Variants in DPP6 observed in about 807,000 individuals in gnomAD.
The protein encoded by DPP6 is A-type potassium channel modulatory protein DPP6.
In DPP6, 69 loss-of-function variants were observed where a neutral mutation model predicts 122.6. That is an observed-to-expected ratio of 0.56 (90% CI 0.46 to 0.69). The LOEUF is 0.69. Among genes scored for constraint, DPP6 ranks in the 30% least tolerant of loss-of-function variants. The pLI, the probability that DPP6 is intolerant of heterozygous loss-of-function variation, is 0.00. For synonymous variants in DPP6, 418 were observed against 433.1 expected (o/e 0.97, Z 0.43); for missense variants, 928 against 1,116.9 (o/e 0.83, Z 2.41).
intron 1 of DPP6, among the ~76,000 whole-genome samples, chr7:154,222,284 CCA>C (rs1427606575): frequency 6.6e-6 from 1 of 152,194 alleles, no homozygotes; most frequent in Admixed American, 6.5e-5. Flanking sequence ...AACTCCACAG[CCA>C]CACACAGCCT....
intron 2 of DPP6, among the ~76,000 whole-genome samples, chr7:154,463,159 C>T (rs1821441381): frequency 6.8e-6 from 1 of 147,406 alleles, no homozygotes; most frequent in African/African-American, 2.5e-5. Context: ...ACCTAAGTTG[C>T]AACACAAAGT....
chr7:154,042,322 G>A (rs1799807704), intron 1 of DPP6, among the ~76,000 whole-genome samples: 1 of 152,196 alleles, frequency 6.6e-6, no homozygotes, highest in Non-Finnish European at 1.5e-5. Context: ...TATGGGTGCA[G>A]CACGGGGGCA....
chr7:153,918,927 C>T (rs1334427727), intron 1 of DPP6, among the ~76,000 whole-genome samples: 14 of 135,254 alleles, frequency 1.0e-4, no homozygotes, highest in East Asian at 6.6e-4. Context: ...TGCAGTGAGC[C>T]GAGATCATGC....
the DPP6 span, among the ~76,000 whole-genome samples, chr7:153,799,770 C>G: frequency 6.6e-6 from 1 of 152,160 alleles, no homozygotes; most frequent in Admixed American, 6.5e-5. Flanking sequence ...TTAACTGTCT[C>G]ATTCTATTAT....
intron 1 of DPP6, among the ~76,000 whole-genome samples, chr7:154,019,890 T>G (rs1798615755): frequency 6.6e-6 from 1 of 152,150 alleles, no homozygotes; most frequent in African/African-American, 2.4e-5. Flanking sequence ...ATATAAAGTC[T>G]TTTTCTTGGA....
At chr7:154,340,407 G>A (rs1442025558) in intron 1 of DPP6, among the ~76,000 whole-genome samples, 1 of 152,150 alleles carries the variant, frequency 6.6e-6, no homozygotes, top group Non-Finnish European at 1.5e-5. Context: ...TTGGTTCTTT[G>A]CTTCCTCTCC....
rs1321449676 is a variant in DPP6, at chr7:154,574,504, G to GTATGTGTGGTGTGGTGTA, written c.627+7602_627+7619dup. ...GTGTGTGTATGTGTATGTGGTGTGT[G>GTATGTGTGGTGTGGTGTA]TATGTGTGGTGTGGTGTATATGTGT... is the stretch of plus-strand genomic sequence containing the variant. On this transcript the variant is annotated intron_variant, in intron 5 of 25. Coordinates refer to ENST00000377770, the MANE Select transcript of DPP6 (RefSeq NM_130797.4). Among the ~76,000 whole-genome samples the GTATGTGTGGTGTGGTGTA allele has an allele frequency of 2.1e-5, 3 of 141,144 alleles. No individual in the cohort carries two copies. In the East Asian group the frequency reaches 6.8e-4, roughly 32 times the overall value. 92.6% of individuals were successfully genotyped at this position (141,144 alleles called of 152,430 possible). A position where few individuals can be genotyped will look rare whatever the true frequency, so the allele number is the denominator to read the frequency against.
chr7:153,872,913 A>G, the DPP6 span, among the ~76,000 whole-genome samples: 22 of 152,334 alleles, frequency 1.4e-4, no homozygotes, highest in African/African-American at 4.3e-4. Context: ...GTACCTTATC[A>G]TACTCTACAG....
chr7:154,350,343 A>G (rs1436812977), intron 1 of DPP6, among the ~76,000 whole-genome samples: 1 of 152,196 alleles, frequency 6.6e-6, no homozygotes, highest in Non-Finnish European at 1.5e-5. Context: ...TCTTCCATTC[A>G]TGACTTACTG....
At chr7:154,209,000 C>T (rs922719379) in intron 1 of DPP6, among the ~76,000 whole-genome samples, 4 of 152,192 alleles carry the variant, frequency 2.6e-5, no homozygotes, top group South Asian at 2.1e-4. Flanking sequence ...ACAGTGATTT[C>T]CACCTCCCAA....
chr7:154,531,548 G>A (rs777625291), intron 3 of DPP6, among the ~76,000 whole-genome samples: 7 of 152,010 alleles, frequency 4.6e-5, no homozygotes, highest in African/African-American at 1.2e-4. Flanking sequence ...ATTTCATCAC[G>A]GAAGAAAATG....
chr7:154,576,637 A>T (rs1368716576), intron 5 of DPP6, among the ~76,000 whole-genome samples: 3 of 151,970 alleles, frequency 2.0e-5, no homozygotes, highest in Non-Finnish European at 4.4e-5. Flanking sequence ...AGTTTGAGGG[A>T]GTGTGATCTG....
intron 3 of DPP6, among the ~76,000 whole-genome samples, chr7:154,532,964 C>T (rs1056905325): frequency 6.6e-6 from 1 of 152,130 alleles, no homozygotes; most frequent in African/African-American, 2.4e-5. Flanking sequence ...CTAGAAGTGT[C>T]ATTCTTGTAC....
intron 8 of DPP6, among the ~76,000 whole-genome samples, chr7:154,745,216 G>T (rs748270481): frequency 1.3e-5 from 2 of 152,154 alleles, no homozygotes; most frequent in African/African-American, 4.8e-5. Context: ...AAATGGCTTG[G>T]TCTCCTCATC....
At chr7:154,383,804 C>A (rs1270158843) in intron 1 of DPP6, among the ~76,000 whole-genome samples, 1 of 149,302 alleles carries the variant, frequency 6.7e-6, no homozygotes, top group South Asian at 2.1e-4. Context: ...GCATGAGAAT[C>A]GCTTGAGCCC....
At chr7:154,331,078 C>T (rs1001457359) in intron 1 of DPP6, among the ~76,000 whole-genome samples, 4 of 152,180 alleles carry the variant, frequency 2.6e-5, no homozygotes, top group Non-Finnish European at 5.9e-5. Flanking sequence ...CCTCCGACAA[C>T]AGTTTTGTGC....
intron 2 of DPP6, among the ~76,000 whole-genome samples, chr7:154,460,775 G>T (rs1359888946): frequency 6.6e-6 from 1 of 152,150 alleles, no homozygotes; most frequent in East Asian, 1.9e-4. Flanking sequence ...ATACAGGCAT[G>T]CATGAAATGA....
At position 154,516,390 on chromosome 7, in the gene DPP6, C is replaced by T. The variant is rs116774653; in HGVS notation, c.458-24142C>T. 4.8e-3 allele frequency among the ~76,000 whole-genome samples: 738 copies of T among 152,246 alleles called. 2 individuals are homozygous for T. The highest frequency in any genetic ancestry group is 0.017 in the African/African-American group (697 of 41,544). ...GCCACGCAGGAAGGCGCTGAGGAAC[C>T]GTGCTACTGAAAGGAGAATGAGAGC... On this transcript the variant is annotated intron_variant, in intron 3 of 25. Transcript: ENST00000377770.
rs115618857 is a variant in DPP6 at position 154,862,583 on chromosome 7, C to T, written c.1715-5412C>T. Among the ~76,000 whole-genome samples, 1,490 of 152,272 alleles carry T rather than the reference C, an allele frequency of 9.8e-3. 25 individuals are homozygous for T. Among genetic ancestry groups the T allele is most frequent in the African/African-American group, 0.034 (1,403 of 41,552 alleles). On this transcript the variant is annotated intron_variant, in intron 17 of 25. Transcript: ENST00000377770. ...GCTTCTTCCTCTCTACTACCTAATG[C>T]GGGAGGAGAGCTGGGCTTCGCTGCC...
Sources: gnomAD v4.1 joint callset for allele counts (sites outside exome capture counted in the v4.1 genomes callset) on GRCh38, gnomAD v4.1.1 for gene constraint, MANE v1.5 for transcripts, NCBI Gene and HGNC (gene_info 2026-07-23, HGNC 2026-07-21) for gene names.